The following RPRD1A variants were observed in gnomAD, a reference collection of about 807,000 sequenced individuals.
RPRD1A encodes regulation of nuclear pre-mRNA domain-containing protein 1A.
Under a neutral mutation model 37.8 loss-of-function variants are expected in RPRD1A, and 9 were observed. That is an observed-to-expected ratio of 0.24 (90% CI 0.14 to 0.42). The LOEUF is 0.42. Among genes scored for constraint, RPRD1A ranks in the 10% least tolerant of loss-of-function variants. The probability of loss-of-function intolerance (pLI) is 1.00; values close to 1 mark genes in which losing one functional copy is unlikely to be tolerated. For synonymous variants in RPRD1A, 138 were observed against 139.7 expected, an observed-to-expected ratio of 0.99 and a Z score of 0.08; for missense variants, 255 against 371.0, an observed-to-expected ratio of 0.69 and a Z score of 2.57.
In RPRD1A at chr18:36,060,886, C is replaced by T. The variant is rs572383582; in HGVS notation, c.151+6368G>A. ...GTGTGCACCTGTAGTCCCAGCTACT[C>T]GGGAGGCTGAGGCAGGAAGATCACC... On this transcript the variant is annotated intron_variant, in intron 1 of 6. Transcript: ENST00000399022. Among the ~76,000 whole-genome samples, 6 of 151,666 alleles carry T rather than the reference C, an allele frequency of 4.0e-5. No homozygotes were observed. The East Asian group carries it at 5.8e-4, about 15-fold the overall frequency.
chr18:36,006,642 G>A (rs1227014934), intron 6 of RPRD1A, among the ~76,000 whole-genome samples: 1 of 152,166 alleles, frequency 6.6e-6, no homozygotes, highest in African/African-American at 2.4e-5. Flanking sequence ...GAGGCTTCAA[G>A]GGCAGCATCA....
intron 6 of RPRD1A, among the ~76,000 whole-genome samples, chr18:36,018,141 T>A (rs1431624526): frequency 1.3e-5 from 2 of 152,236 alleles, no homozygotes; most frequent in African/African-American, 4.8e-5. Context: ...ATTTAACCAA[T>A]TATGTTGGAT....
In RPRD1A at chr18:36,044,789, C is replaced by T. The variant is rs138370515; in HGVS notation, c.152-10952G>A. Among the ~76,000 whole-genome samples, 30 of 151,938 alleles carry T rather than the reference C, an allele frequency of 2.0e-4. No individual in the cohort carries two copies. The East Asian group carries it at 3.8e-3, about 19-fold the overall frequency. ...AAAATGTACCAAGGACATCTTGGCA[C>T]GCTACAAAGGATAAAAGTGATTTTA... On this transcript the variant is annotated intron_variant, in intron 1 of 6. Transcript: ENST00000399022.
chr18:36,040,641 G>T (rs928918106), intron 1 of RPRD1A, among the ~76,000 whole-genome samples: 1 of 152,130 alleles, frequency 6.6e-6, no homozygotes, highest in Non-Finnish European at 1.5e-5. Context: ...ACTGCAATAG[G>T]CAAGGAAAGA....
intron 6 of RPRD1A, among the ~76,000 whole-genome samples, chr18:36,017,997 G>T (rs1910711224): frequency 6.6e-6 from 1 of 152,078 alleles, no homozygotes. Context: ...AATGCAAGCT[G>T]GTAAAATAAT....
intron 1 of RPRD1A, among the ~76,000 whole-genome samples, chr18:36,055,446 G>C (rs1768105954): frequency 6.6e-6 from 1 of 152,080 alleles, no homozygotes. Context: ...GATACATTTA[G>C]CACAAAGTTA....
chr18:36,048,451 A>G (rs1444303280), intron 1 of RPRD1A, among the ~76,000 whole-genome samples: 2 of 152,216 alleles, frequency 1.3e-5, no homozygotes, highest in Non-Finnish European at 2.9e-5. Context: ...AGTGTAATTT[A>G]TTCCAGGAAT....
At chr18:36,030,776 T>C (rs771081238) in intron 4 of RPRD1A, 32 bp downstream of exon 4, 36 of 1,340,420 alleles carry the variant, frequency 2.7e-5, no homozygotes, top group Middle Eastern at 3.7e-4. Flanking sequence ...AAGTAAAAGT[T>C]TGTAACTCTT....
intron 1 of RPRD1A, among the ~76,000 whole-genome samples, chr18:36,039,216 C>A (rs375506367): frequency 6.6e-6 from 1 of 152,130 alleles, no homozygotes; most frequent in African/African-American, 2.4e-5. Context: ...CTGGTGGGTG[C>A]CATGACTGTA....
In RPRD1A at chr18:35,991,282, T is replaced by A. The variant is rs1000691031; in HGVS notation, c.*1869A>T. 1.6e-4 allele frequency: 25 copies of A among 152,336 alleles called. No homozygotes were observed. Among genetic ancestry groups the A allele is most frequent in the Admixed American group, 4.6e-4 (7 of 15,294 alleles). The allele number at this position is 152,336 out of a possible 1,614,324, so 9.4% of individuals were successfully genotyped here. A position where few individuals can be genotyped will look rare whatever the true frequency, so the allele number is the denominator to read the frequency against. ...TTCACATTAATAATAAAAACTAACT[T>A]ACTTAGTATACTTTCATAACATGTA... is the stretch of plus-strand genomic sequence containing the variant. On this transcript the variant is annotated 3_prime_UTR_variant, in exon 7 of 7. Coordinates refer to ENST00000399022, the MANE Select transcript of RPRD1A (RefSeq NM_018170.5).
chr18:36,016,839 A>G (rs1226826183), intron 6 of RPRD1A, among the ~76,000 whole-genome samples: 1 of 152,300 alleles, frequency 6.6e-6, no homozygotes, highest in African/African-American at 2.4e-5. Context: ...TCACATGAAA[A>G]TTTTTATAGT....
intron 1 of RPRD1A, among the ~76,000 whole-genome samples, chr18:36,035,833 G>A (rs1002972213): frequency 9.9e-5 from 15 of 152,124 alleles, no homozygotes; most frequent in Admixed American, 5.9e-4. Context: ...TGAAATAATC[G>A]AGTCATGAAA....
intron 1 of RPRD1A, among the ~76,000 whole-genome samples, chr18:36,057,283 T>G (rs555073091): frequency 3.1e-4 from 47 of 151,170 alleles, no homozygotes; most frequent in Middle Eastern, 3.2e-3. Context: ...ACACACACCT[T>G]AAGTCACTTA....
chr18:36,029,624 TAAA>T (rs79491198), intron 4 of RPRD1A, among the ~76,000 whole-genome samples: 4 of 113,058 alleles, frequency 3.5e-5, no homozygotes, highest in Non-Finnish European at 5.6e-5. Context: ...AATGCCCACT[TAAA>T]AAAAAAAAAA....
At chr18:36,008,427 T>C (rs955446764) in intron 6 of RPRD1A, among the ~76,000 whole-genome samples, 10 of 150,998 alleles carry the variant, frequency 6.6e-5, no homozygotes, top group Admixed American at 1.3e-4. Context: ...AGCACAAAAA[T>C]TAGCCAGGCA....
chr18:36,054,751 T>C (rs1913642910), intron 1 of RPRD1A, among the ~76,000 whole-genome samples: 1 of 151,788 alleles, frequency 6.6e-6, no homozygotes, highest in South Asian at 2.1e-4. Context: ...CCAAAGGCCT[T>C]AGAACCAGGA....
chr18:36,003,710 A>C (rs754946371), intron 6 of RPRD1A, among the ~76,000 whole-genome samples: 3 of 152,226 alleles, frequency 2.0e-5, no homozygotes, highest in Non-Finnish European at 4.4e-5. Flanking sequence ...TCTTTGATAT[A>C]ATTAAGAGGT....
chr18:36,031,386 G>A (rs895692974), intron 2 of RPRD1A, among the ~76,000 whole-genome samples: 4 of 152,170 alleles, frequency 2.6e-5, no homozygotes, highest in African/African-American at 9.7e-5. Flanking sequence ...TCCTAATGGG[G>A]CCTGGACATG....
Position 36,026,890 on chromosome 18 carries a change from G to A in RPRD1A, c.789+10C>T. On this transcript the variant is annotated intron_variant, in intron 6 of 6. Transcript: ENST00000399022. ...ATAAATAAGCACTAAAGAAGAAAAA[G>A]GTTACGCACTTCCAATTTATGCTCT... is the stretch of plus-strand genomic sequence containing the variant. The A allele has an allele frequency of 6.2e-7, 1 of 1,609,304 alleles. No homozygotes were observed. The highest frequency in any genetic ancestry group is 8.5e-7 in the Non-Finnish European group (1 of 1,176,782).
Sources: gnomAD v4.1 joint callset for allele counts (sites outside exome capture counted in the v4.1 genomes callset) on GRCh38, gnomAD v4.1.1 for gene constraint, MANE v1.5 for transcripts, NCBI Gene and HGNC (gene_info 2026-07-23, HGNC 2026-07-21) for gene names.